Variants in RNF123 observed in about 807,000 individuals in gnomAD.
The protein encoded by RNF123 is E3 ubiquitin-protein ligase RNF123.
Under a neutral mutation model 168.5 loss-of-function variants are expected in RNF123, and 86 were observed. The ratio of observed to expected loss-of-function variants is 0.51; its 90% CI spans 0.43 to 0.61. The LOEUF is 0.61. Ranked by LOEUF, RNF123 falls within the 20% of genes least tolerant of loss-of-function variation. RNF123 has a pLI of 0.00. For missense variants in RNF123, 1,419 were observed against 1,729.7 expected (o/e 0.82, Z 3.19); for synonymous variants, 666 against 689.1 (o/e 0.97, Z 0.52).
At chr3:49,706,946 C>T (rs373712162) in intron 26 of RNF123, 48 bp downstream of exon 26, 20 of 1,532,710 alleles carry the variant, frequency 1.3e-5, no homozygotes, top group African/African-American at 4.1e-5. Flanking sequence ...TGTCTGGCCA[C>T]GGGTCTAGCA....
chr3:49,691,376 A>G, intron 2 of RNF123, 49 bp from the exon 3 acceptor site: 1 of 1,606,254 alleles, frequency 6.2e-7, no homozygotes, highest in Non-Finnish European at 8.5e-7. Flanking sequence ...AGGGGCCAGG[A>G]GCTGCACTGA....
intron 25 of RNF123, 53 bp downstream of exon 25, chr3:49,706,118 C>T: frequency 6.6e-7 from 1 of 1,511,860 alleles, no homozygotes; most frequent in Admixed American, 1.7e-5. Context: ...GTACAGGTAA[C>T]CACAGATGAA....
intron 24 of RNF123, 49 bp downstream of exon 24, chr3:49,705,728 T>C: frequency 6.2e-7 from 1 of 1,611,134 alleles, no homozygotes; most frequent in Non-Finnish European, 8.5e-7. Context: ...TGTGCGTGTT[T>C]GGTTGTGTGT....
chr3:49,690,427 C>T (rs2054122968), intron 1 of RNF123, among the ~76,000 whole-genome samples: 2 of 152,230 alleles, frequency 1.3e-5, no homozygotes, highest in African/African-American at 2.4e-5. Context: ...ATCAGTGAGG[C>T]CAGCACCAGG....
rs1487626789 is a variant in RNF123, at chr3:49,702,379, C to T, written c.1603C>T (p.Leu535=). The T allele has an allele frequency of 1.9e-6, 3 of 1,614,098 alleles. No individual in the cohort carries two copies. The highest frequency in any genetic ancestry group is 2.2e-5 in the East Asian group (1 of 44,896). ...YIFLTKFRKF[L]QENASGRGNM... is the part of the protein sequence containing the mutation. Reference sequence around the variant, plus strand: ...CTTCCTGACCAAGTTTCGCAAGTTTCTGCAGGAGAACGCCAGTGGCCGGGG... The same window carrying T: ...CTTCCTGACCAAGTTTCGCAAGTTTTTGCAGGAGAACGCCAGTGGCCGGGG... Residue 535 remains leucine (L), a synonymous_variant, in exon 19 of 39, where the codon CTG becomes TTG. Transcript: ENST00000327697.
intron 3 of RNF123, among the ~76,000 whole-genome samples, chr3:49,693,920 C>A (rs761286449): frequency 6.6e-6 from 1 of 152,146 alleles, no homozygotes; most frequent in Admixed American, 6.5e-5. Context: ...AATGTCTGTT[C>A]GTATCTTTTG....
Position 49,706,051 on chromosome 3 carries a change from C to A in RNF123, c.2374C>A (p.Arg792=). The change falls in exon 25 of 39, where the codon CGG becomes AGG. Residue 792 remains arginine (R), a synonymous_variant. Transcript: ENST00000327697. ...ALRDTEDKLR[R]CPKRRKDILA... ...GAGGGACACAGAGGACAAGCTCCGC[C>A]GGTGCCCCAAGAGGGTAAGGCCCAC... The A allele has an allele frequency of 6.2e-7, 1 of 1,614,104 alleles. No homozygotes were observed. The highest frequency in any genetic ancestry group is 1.7e-5 in the Admixed American group (1 of 60,028).
Position 49,714,097 on chromosome 3 carries a change from G to A in RNF123, c.2933G>A (p.Gly978Asp). The change falls in exon 31 of 39, where the codon GGC becomes GAC. Residue 978 changes from glycine to aspartate, a missense_variant. Physicochemically the swap from Gly to Asp is moderately conservative, Grantham distance 94. Around this residue, in one of 5 missense-constraint regions of RNF123, gnomAD observed 538 missense variants for 708.8 expected, o/e 0.76. Coordinates refer to ENST00000327697, the MANE Select transcript of RNF123 (RefSeq NM_022064.5). The stretch of plus-strand genomic sequence containing the variant: ...TGACCCCCACCTCCACAGGGCTGTG[G>A]CTTCGGGTACCGCTATACACGGCTG... ...WILVRLWRGC[G>D]FGYRYTRLPH... 6.2e-7 allele frequency: 1 copy of A among 1,614,114 alleles called. No homozygotes were observed. Among genetic ancestry groups the A allele is most frequent in the Non-Finnish European group, 8.5e-7 (1 of 1,180,036 alleles).
Position 49,720,391 on chromosome 3 carries a change from G to A in RNF123, c.3501-120G>A, listed in dbSNP as rs115380029. The A allele has an allele frequency of 4.2e-3, 4,278 of 1,017,526 alleles. 120 individuals are homozygous for A. In the African/African-American group the frequency reaches 0.053, roughly 12 times the overall value. 63.0% of individuals were successfully genotyped at this position (1,017,526 alleles called of 1,614,324 possible). A position where few individuals can be genotyped will look rare whatever the true frequency, so the allele number is the denominator to read the frequency against. On this transcript the variant is annotated intron_variant, in intron 35 of 38. Coordinates refer to ENST00000327697, the MANE Select transcript of RNF123 (RefSeq NM_022064.5). Reference sequence around the variant, plus strand: ...CTTGGGGTTTGGGAAGCAGGGAGACGGAAAGGATGCAGGGGGGGTGATCAT... The same window carrying A: ...CTTGGGGTTTGGGAAGCAGGGAGACAGAAAGGATGCAGGGGGGGTGATCAT...
intron 3 of RNF123, among the ~76,000 whole-genome samples, chr3:49,695,812 C>G (rs568708121): frequency 6.6e-6 from 1 of 152,316 alleles, no homozygotes; most frequent in East Asian, 1.9e-4. Context: ...ACCACCACCT[C>G]ACTCCCTGCT....
At position 49,704,890 on chromosome 3, in the gene RNF123, G is replaced by C. The variant is rs1361739056; in HGVS notation, c.1960-94G>C. ...TCACTGGGCTGGTGCCTTGCTGTGGGTGGAGGCATGGACCCTCCCTCACAA... is the reference window on the plus strand; with the variant it reads ...TCACTGGGCTGGTGCCTTGCTGTGGCTGGAGGCATGGACCCTCCCTCACAA... On this transcript the variant is annotated intron_variant, in intron 22 of 38. Coordinates refer to ENST00000327697, the MANE Select transcript of RNF123 (RefSeq NM_022064.5). 2.1e-6 allele frequency: 3 copies of C among 1,400,632 alleles called. No homozygotes were observed. The South Asian group carries it at 4.0e-5, about 19-fold the overall frequency. 86.8% of individuals were successfully genotyped at this position (1,400,632 alleles called of 1,614,324 possible).
At chr3:49,719,621 T>G in intron 35 of RNF123, 1 of 646,790 alleles carries the variant, frequency 1.5e-6, no homozygotes, top group Non-Finnish European at 2.7e-6. Context: ...TACTCTCCGG[T>G]TCCCAGGTTG....
At chr3:49,718,978 T>G (rs1048846264) in intron 35 of RNF123, 3 of 1,613,660 alleles carry the variant, frequency 1.9e-6, no homozygotes, top group Non-Finnish European at 2.5e-6. Flanking sequence ...GCAGCCCAGG[T>G]AGAGATGGCT....
At chr3:49,703,370 G>A in intron 20 of RNF123, 57 bp from the exon 21 acceptor site, 1 of 1,413,356 alleles carries the variant, frequency 7.1e-7, no homozygotes, top group South Asian at 1.2e-5. Context: ...GAGGGCTGTG[G>A]GGAGGGTCTT....
intron 28 of RNF123, 44 bp downstream of exon 28, chr3:49,713,631 G>A (rs1192429280): frequency 6.3e-7 from 1 of 1,594,026 alleles, no homozygotes; most frequent in South Asian, 1.1e-5. Context: ...GGGATGGGAT[G>A]GCACCTCTGG....
intron 23 of RNF123, 109 bp downstream of exon 23, chr3:49,705,291 C>T: frequency 1.5e-6 from 2 of 1,364,056 alleles, no homozygotes; most frequent in South Asian, 1.4e-5. Flanking sequence ...GCCCTGTGGC[C>T]TGGCAGCATC....
intron 35 of RNF123, chr3:49,719,837 T>A (rs1346473161): frequency 9.0e-6 from 2 of 222,734 alleles, no homozygotes; most frequent in Non-Finnish European, 1.9e-5. Flanking sequence ...AACCCCAAAG[T>A]CCCCGTCAGC....
In RNF123 at chr3:49,697,242, G is replaced by A. The variant is rs765396797; in HGVS notation, c.247+20G>A. 6.2e-6 allele frequency: 10 copies of A among 1,611,426 alleles called. No homozygotes were observed. In the Admixed American group the frequency reaches 1.3e-4, roughly 22 times the overall value. On this transcript the variant is annotated intron_variant, in intron 4 of 38. Coordinates refer to ENST00000327697, the MANE Select transcript of RNF123 (RefSeq NM_022064.5). ...GCCAGGGTATGTGGCCACCTCTGGA[G>A]TGGGGTTGGGAGGTGCAGAGCTGGG...
At chr3:49,716,064 G>A (rs780674353) in intron 33 of RNF123, 38 bp from the exon 34 acceptor site, 9 of 1,613,148 alleles carry the variant, frequency 5.6e-6, no homozygotes, top group South Asian at 1.1e-5. Flanking sequence ...CATTGATGAC[G>A]CTCCCCATCC....
Sources: gnomAD v4.1 joint callset for allele counts (sites outside exome capture counted in the v4.1 genomes callset) on GRCh38, gnomAD v4.1.1 for gene constraint, gnomAD v4.1.1 regional missense constraint, MANE v1.5 for transcripts, NCBI Gene and HGNC (gene_info 2026-07-23, HGNC 2026-07-21) for gene names.